GPHN: variants seen among roughly 807,000 people sequenced by gnomAD.
GPHN encodes gephyrin.
GPHN carries 17 observed loss-of-function variants against 95.5 expected under a neutral mutation model. The ratio of observed to expected loss-of-function variants is 0.18; its 90% CI spans 0.12 to 0.27. The LOEUF is 0.27. Among genes scored for constraint, GPHN ranks in the 10% least tolerant of loss-of-function variants. The probability of loss-of-function intolerance (pLI) is 1.00; values close to 1 mark genes in which losing one functional copy is unlikely to be tolerated. For missense variants in GPHN, 660 were observed against 978.1 expected (o/e 0.67, Z 4.34); for synonymous variants, 320 against 322.5 (o/e 0.99, Z 0.08).
chr14:66,851,283 C>T (rs1443544957), intron 4 of GPHN, among the ~76,000 whole-genome samples: 2 of 151,994 alleles, frequency 1.3e-5, no homozygotes, highest in Non-Finnish European at 2.9e-5. Context: ...CCTTGTTCCC[C>T]CTTACAGTCA....
rs1012667686 is a variant in GPHN at position 66,539,444 on chromosome 14, C to T, written c.64+30853C>T. Among the ~76,000 whole-genome samples the T allele has an allele frequency of 1.4e-4, 14 of 101,562 alleles. 1 individual carries two copies. The East Asian group carries it at 2.3e-3, about 17-fold the overall frequency. The allele number at this position is 101,562 out of a possible 152,430, so 66.6% of individuals were successfully genotyped here. A position where few individuals can be genotyped will look rare whatever the true frequency, so the allele number is the denominator to read the frequency against. On this transcript the variant is annotated intron_variant, in intron 1 of 22. Coordinates refer to ENST00000478722, the MANE Select transcript of GPHN (RefSeq NM_020806.5). ...TTTTTTTTTTTTTGAGACAGAGTTT[C>T]GCTCTTGTTGCCCAGGCTGGAGTGC...
At position 66,994,546 on chromosome 14, in the gene GPHN, C is replaced by A. The variant is rs547496219; in HGVS notation, c.964-29087C>A. Among the ~76,000 whole-genome samples the A allele has an allele frequency of 5.2e-4, 79 of 152,110 alleles. 2 individuals carry two copies. The South Asian group carries it at 0.015, about 29-fold the overall frequency. Reference sequence around the variant, plus strand: ...GCCCTCCTCGGAACTGACTTTAATTCAAAGATAAAGTACTAATAAAATATC... The same window carrying A: ...GCCCTCCTCGGAACTGACTTTAATTAAAAGATAAAGTACTAATAAAATATC... On this transcript the variant is annotated intron_variant, in intron 9 of 22. Coordinates refer to ENST00000478722, the MANE Select transcript of GPHN (RefSeq NM_020806.5).
the GPHN span, chr14:67,279,140 TA>T: frequency 6.6e-7 from 1 of 1,507,380 alleles, no homozygotes; most frequent in South Asian, 1.4e-5. Flanking sequence ...AATTGATTTA[TA>T]AAAAGTGGTA....
Position 66,844,108 on chromosome 14 carries a change from G to A in GPHN, c.294+19542G>A, listed in dbSNP as rs534838268. 4.6e-5 allele frequency among the ~76,000 whole-genome samples: 7 copies of A among 152,090 alleles called. No individual in the cohort carries two copies. In the South Asian group the frequency reaches 1.5e-3, roughly 32 times the overall value. On this transcript the variant is annotated intron_variant, in intron 4 of 22. Transcript: ENST00000478722. Reference sequence around the variant, plus strand: ...ATAATTCTTTGTAGTTTAGATTAAAGTAGCTTTCTGCTCTGCTCTATTTTT... The same window carrying A: ...ATAATTCTTTGTAGTTTAGATTAAAATAGCTTTCTGCTCTGCTCTATTTTT...
chr14:67,173,860 A>G (rs1181691855), intron 21 of GPHN, among the ~76,000 whole-genome samples: 5 of 149,768 alleles, frequency 3.3e-5, no homozygotes, highest in Admixed American at 1.3e-4. Flanking sequence ...AGAGTTAGGA[A>G]TCATAAAAAA....
At chr14:67,453,971 T>A in the GPHN span, 1 of 152,182 alleles carries the variant, frequency 6.6e-6, no homozygotes, top group African/African-American at 2.4e-5. Context: ...AAAAAAGGTA[T>A]CAAGTCCTTA....
the GPHN span, among the ~76,000 whole-genome samples, chr14:67,477,804 C>T: frequency 6.6e-6 from 1 of 152,124 alleles, no homozygotes; most frequent in Non-Finnish European, 1.5e-5. Flanking sequence ...ATTATCTTTT[C>T]CCCAAAACCT....
At chr14:66,593,528 A>G (rs2140711885) in intron 1 of GPHN, among the ~76,000 whole-genome samples, 1 of 152,224 alleles carries the variant, frequency 6.6e-6, no homozygotes, top group East Asian at 1.9e-4. Context: ...ACTCACTATC[A>G]TGAGAACAGC....
rs986472413 is a variant in GPHN at position 66,986,921 on chromosome 14, C to T, written c.963+21596C>T. Among the ~76,000 whole-genome samples, 5 of 152,262 alleles carry T rather than the reference C, an allele frequency of 3.3e-5. No homozygotes were observed. In the South Asian group the frequency reaches 6.2e-4, roughly 19 times the overall value. On this transcript the variant is annotated intron_variant, in intron 9 of 22. Transcript: ENST00000478722. ...TTGTTTATTTGTTTGTGTGTGCGCACGCACATGAGTGCACATGGATGAAGG... is the reference window on the plus strand; with the variant it reads ...TTGTTTATTTGTTTGTGTGTGCGCATGCACATGAGTGCACATGGATGAAGG...
At chr14:67,139,642 T>C (rs919193590) in intron 17 of GPHN, among the ~76,000 whole-genome samples, 1 of 152,150 alleles carries the variant, frequency 6.6e-6, no homozygotes, top group Non-Finnish European at 1.5e-5. Context: ...ACCTTTTCAG[T>C]CTAGCATACA....
the GPHN span, among the ~76,000 whole-genome samples, chr14:67,419,807 C>G: frequency 2.0e-5 from 3 of 151,878 alleles, no homozygotes; most frequent in Non-Finnish European, 4.4e-5. Flanking sequence ...CGAGATCGCG[C>G]CACGGCACTC....
At chr14:67,321,823 A>G in the GPHN span, among the ~76,000 whole-genome samples, 1 of 152,156 alleles carries the variant, frequency 6.6e-6, no homozygotes, top group African/African-American at 2.4e-5. Context: ...GCTTGTATGT[A>G]TGTTCTGAAA....
At chr14:67,624,311 G>A in the GPHN span, among the ~76,000 whole-genome samples, 1 of 152,158 alleles carries the variant, frequency 6.6e-6, no homozygotes, top group Non-Finnish European at 1.5e-5. Flanking sequence ...TGACACCATT[G>A]AAAATGGTGG....
intron 1 of GPHN, among the ~76,000 whole-genome samples, chr14:66,663,062 C>G (rs1232714735): frequency 1.3e-5 from 2 of 152,118 alleles, no homozygotes; most frequent in African/African-American, 2.4e-5. Context: ...TTCAGGATAT[C>G]TTCCATGAGG....
the GPHN span, among the ~76,000 whole-genome samples, chr14:67,510,695 C>T: frequency 1.3e-5 from 2 of 152,170 alleles, no homozygotes; most frequent in Non-Finnish European, 2.9e-5. Flanking sequence ...TGCCTTATTC[C>T]TGGCTTTGAA....
At chr14:66,886,109 A>G (rs1228393368) in intron 5 of GPHN, among the ~76,000 whole-genome samples, 1 of 152,206 alleles carries the variant, frequency 6.6e-6, no homozygotes, top group Non-Finnish European at 1.5e-5. Context: ...ATGATGTGTA[A>G]GCAAAAGTAA....
chr14:67,429,230 A>ATTTT, the GPHN span, among the ~76,000 whole-genome samples: 2 of 134,628 alleles, frequency 1.5e-5, no homozygotes, highest in African/African-American at 5.5e-5. Context: ...CAAGTGGACA[A>ATTTT]TTTTTTTTTT....
chr14:67,478,116 C>T, the GPHN span, among the ~76,000 whole-genome samples: 4 of 152,262 alleles, frequency 2.6e-5, no homozygotes, highest in Admixed American at 1.3e-4. Flanking sequence ...GCTCACATGT[C>T]TGTGGTTGGC....
At chr14:67,672,447 C>CCT in the GPHN span, among the ~76,000 whole-genome samples, 5 of 116,828 alleles carry the variant, frequency 4.3e-5, no homozygotes, top group Non-Finnish European at 8.3e-5. Flanking sequence ...CTTTTCTTTT[C>CCT]TTTTTTTTTT....
Sources: allele counts gnomAD v4.1 joint callset (sites outside exome capture counted in the v4.1 genomes callset), GRCh38; gene constraint gnomAD v4.1.1; transcripts MANE v1.5; gene names NCBI Gene and HGNC (gene_info 2026-07-23, HGNC 2026-07-21).